AKAP7: variants seen among roughly 807,000 people sequenced by gnomAD.
AKAP7 encodes A kinase (PRKA) anchor protein 7.
A neutral mutation model predicts 39.5 loss-of-function variants in AKAP7; 39 were observed. That is an observed-to-expected ratio of 0.99 (90% CI 0.76 to 1.29). The LOEUF (loss-of-function observed/expected upper bound fraction) is 1.29, where lower values mean the gene tolerates loss of function less well. AKAP7 is among the 50% of genes most tolerant of loss of function. The pLI is 0.00. For synonymous variants in AKAP7, 140 were observed against 139.1 expected (o/e 1.01, Z -0.05); for missense variants, 414 against 407.7 (o/e 1.02, Z -0.13).
At chr6:131,155,668 A>G (rs1802354674) in intron 2 of AKAP7, among the ~76,000 whole-genome samples, 1 of 152,226 alleles carries the variant, frequency 6.6e-6, no homozygotes, top group Non-Finnish European at 1.5e-5. Flanking sequence ...TTCTGTTATC[A>G]TCAGATATTT....
chr6:131,220,791 A>G (rs1809630816), intron 7 of AKAP7, among the ~76,000 whole-genome samples: 1 of 152,092 alleles, frequency 6.6e-6, no homozygotes, highest in Non-Finnish European at 1.5e-5. Context: ...CATTATTATT[A>G]TATCTGTTAT....
At chr6:131,159,726 G>C (rs1310937214) in intron 2 of AKAP7, among the ~76,000 whole-genome samples, 1 of 152,232 alleles carries the variant, frequency 6.6e-6, no homozygotes, top group African/African-American at 2.4e-5. Context: ...GGTGCCGGGA[G>C]CTGTGCTTCA....
chr6:131,146,396 C>A (rs1337835082), intron 2 of AKAP7, among the ~76,000 whole-genome samples: 2 of 151,988 alleles, frequency 1.3e-5, no homozygotes, highest in African/African-American at 4.8e-5. Context: ...TAACTTGAGG[C>A]CAGGAGTTTG....
intron 5 of AKAP7, among the ~76,000 whole-genome samples, chr6:131,179,459 C>T (rs571200226): frequency 2.0e-5 from 3 of 152,150 alleles, no homozygotes; most frequent in Non-Finnish European, 2.9e-5. Flanking sequence ...CAGGCGTGAG[C>T]CACCGTGCCT....
chr6:131,172,555 T>C (rs1030193691), intron 5 of AKAP7, among the ~76,000 whole-genome samples: 4 of 152,080 alleles, frequency 2.6e-5, no homozygotes, highest in Non-Finnish European at 4.4e-5. Context: ...CTTGAACTCT[T>C]GGCCTCAAGC....
upstream of AKAP7, among the ~76,000 whole-genome samples, chr6:131,133,412 C>T (rs189618840): frequency 6.6e-6 from 1 of 152,316 alleles, no homozygotes; most frequent in African/African-American, 2.4e-5. Context: ...CTTTTTGGCA[C>T]AAGAAGATGT....
chr6:131,179,256 T>C (rs1006131197), intron 5 of AKAP7, among the ~76,000 whole-genome samples: 1 of 152,006 alleles, frequency 6.6e-6, no homozygotes, highest in African/African-American at 2.4e-5. Context: ...TCACCACAAC[T>C]TCTGCCTCCT....
intron 3 of AKAP7, among the ~76,000 whole-genome samples, chr6:131,161,001 G>A (rs199952992): frequency 2.7e-5 from 4 of 148,064 alleles, no homozygotes; most frequent in African/African-American, 1.0e-4. Context: ...GCCCAATTAC[G>A]AGCCAGATTT....
the AKAP7 span, among the ~76,000 whole-genome samples, chr6:131,129,875 C>T: frequency 6.6e-6 from 1 of 152,120 alleles, no homozygotes; most frequent in Admixed American, 6.5e-5. Flanking sequence ...TTTTTGTAAC[C>T]ATTTGCAACT....
At chr6:131,187,567 A>G (rs187989603) in intron 5 of AKAP7, among the ~76,000 whole-genome samples, 1 of 152,284 alleles carries the variant, frequency 6.6e-6, no homozygotes, top group East Asian at 1.9e-4. Context: ...TACTGTAGAA[A>G]CTATAACAAG....
At chr6:131,152,466 T>A (rs991356604) in intron 2 of AKAP7, among the ~76,000 whole-genome samples, 1 of 152,196 alleles carries the variant, frequency 6.6e-6, no homozygotes, top group Non-Finnish European at 1.5e-5. Context: ...AGCACACGGA[T>A]TTTATACTTT....
intron 7 of AKAP7, among the ~76,000 whole-genome samples, chr6:131,251,303 T>C (rs1228277065): frequency 6.6e-6 from 1 of 152,248 alleles, no homozygotes; most frequent in Non-Finnish European, 1.5e-5. Context: ...TTAGCTTTGT[T>C]AAATGGAATA....
intron 6 of AKAP7, among the ~76,000 whole-genome samples, chr6:131,209,380 A>C (rs1053091450): frequency 1.8e-4 from 27 of 152,134 alleles, no homozygotes; most frequent in African/African-American, 6.3e-4. Flanking sequence ...CCTCCTGAAT[A>C]GCTGGGACTA....
At chr6:131,132,199 T>G (rs960401871), upstream of AKAP7, among the ~76,000 whole-genome samples, 14 of 151,652 alleles carry the variant, frequency 9.2e-5, no homozygotes, top group Non-Finnish European at 1.8e-4. Context: ...TGTGGTCCCA[T>G]CTACTCGGGA....
At chr6:131,279,388 C>A (rs562030813) in intron 7 of AKAP7, among the ~76,000 whole-genome samples, 1 of 152,250 alleles carries the variant, frequency 6.6e-6, no homozygotes, top group South Asian at 2.1e-4. Flanking sequence ...CCTGCCTCAG[C>A]CCCCTGAGTA....
At position 131,148,687 on chromosome 6, in the gene AKAP7, A is replaced by T. The variant is rs114896652; in HGVS notation, c.151+3271A>T. ...TAGTACAATTCTTTGCAAACCAGAAACTACTAACTAGTTTTTCTGAAGTGA... is the reference window on the plus strand; with the variant it reads ...TAGTACAATTCTTTGCAAACCAGAATCTACTAACTAGTTTTTCTGAAGTGA... On this transcript the variant is annotated intron_variant, in intron 2 of 7. Transcript: ENST00000431975. Among the ~76,000 whole-genome samples, 387 of 152,348 alleles carry T rather than the reference A, an allele frequency of 2.5e-3. 2 individuals are homozygous for T. The highest frequency in any genetic ancestry group is 8.6e-3 in the African/African-American group (356 of 41,572).
chr6:131,241,575 ATATG>A (rs199988506), intron 7 of AKAP7, among the ~76,000 whole-genome samples: 33 of 63,868 alleles, frequency 5.2e-4, no homozygotes, highest in East Asian at 3.7e-3. Context: ...TAGATTATAT[ATATG>A]TGTGTGTGTG....
chr6:131,184,495 G>A, intron 5 of AKAP7: 1 of 678,174 alleles, frequency 1.5e-6, no homozygotes, highest in Non-Finnish European at 2.8e-6. Flanking sequence ...CATCTTCAGA[G>A]GTGCCGCAGA....
rs1815101326 is a variant in AKAP7 at position 131,280,326 on chromosome 6, A to G, written c.851-1204A>G. ...TCTTCTGCTTAGGGTGTTGCTAGGA[A>G]TGATGGGGATGGTTATAAGCACAAT... On this transcript the variant is annotated intron_variant, in intron 7 of 7. Coordinates refer to ENST00000431975, the MANE Select transcript of AKAP7 (RefSeq NM_016377.4). Among the ~76,000 whole-genome samples the G allele has an allele frequency of 2.6e-5, 4 of 152,194 alleles. 1 individual carries two copies. The South Asian group carries it at 8.3e-4, about 32-fold the overall frequency.
Sources: allele counts gnomAD v4.1 joint callset (sites outside exome capture counted in the v4.1 genomes callset), GRCh38; gene constraint gnomAD v4.1.1; transcripts MANE v1.5; gene names NCBI Gene and HGNC (gene_info 2026-07-23, HGNC 2026-07-21).